The following IGFBPL1 variants were observed in gnomAD, a reference collection of about 807,000 sequenced individuals.
IGFBPL1 encodes insulin-like growth factor-binding protein-like 1.
Under a neutral mutation model 23.9 loss-of-function variants are expected in IGFBPL1, and 20 were observed. The ratio of observed to expected loss-of-function variants is 0.84; its 90% CI spans 0.59 to 1.22. The LOEUF (loss-of-function observed/expected upper bound fraction) is 1.22. Among genes scored for constraint, IGFBPL1 ranks in the 50% most tolerant of loss-of-function variants. The pLI, the probability that IGFBPL1 is intolerant of heterozygous loss-of-function variation, is 0.00. For synonymous variants in IGFBPL1, 184 were observed against 171.8 expected (o/e 1.07, Z -0.56); for missense variants, 436 against 379.3 (o/e 1.15, Z -1.24).
chr9:38,409,359 G>A (rs10973794), intron 4 of IGFBPL1, 142 bp from the exon 5 acceptor site: 23,553 of 152,154 alleles, frequency 0.15, 2,164 homozygotes, highest in Non-Finnish European at 0.21. Flanking sequence ...GAGAGTGAAG[G>A]GCCCTGTGGA....
intron 1 of IGFBPL1, 33 bp downstream of exon 1, chr9:38,423,929 CCTT>C (rs1821718177): frequency 1.5e-6 from 2 of 1,336,578 alleles, no homozygotes; most frequent in Non-Finnish European, 1.9e-6. Context: ...TGGAATCCCT[CCTT>C]CTCTACCCAC....
At position 38,411,385 on chromosome 9, in the gene IGFBPL1, A is replaced by G. The variant is rs1454132176; in HGVS notation, c.*9+6T>C. 2.5e-6 allele frequency: 4 copies of G among 1,610,498 alleles called. No homozygotes were observed. The highest frequency in any genetic ancestry group is 3.4e-6 in the Non-Finnish European group (4 of 1,177,804). On this transcript the variant is annotated splice_donor_region_variant and intron_variant, in intron 4 of 4. Coordinates refer to ENST00000377694, the MANE Select transcript of IGFBPL1 (RefSeq NM_001007563.3). ...TAAAATACTGAAAATGACTTAGAAC[A>G]TGTACATTTCTCCATCACATGCGGT...
At chr9:38,418,726 C>G (rs1355856969) in intron 1 of IGFBPL1, among the ~76,000 whole-genome samples, 1 of 152,144 alleles carries the variant, frequency 6.6e-6, no homozygotes, top group Non-Finnish European at 1.5e-5. Flanking sequence ...ATAGCTCTTC[C>G]TTGCTGATAC....
intron 1 of IGFBPL1, among the ~76,000 whole-genome samples, chr9:38,419,199 T>G (rs942864243): frequency 1.3e-5 from 2 of 151,988 alleles, no homozygotes; most frequent in Non-Finnish European, 2.9e-5. Context: ...AGAAAGGATA[T>G]CAAGTCATTC....
At chr9:38,411,354 TGG>T in intron 4 of IGFBPL1, 35 bp downstream of exon 4, 1 of 1,559,000 alleles carries the variant, frequency 6.4e-7, no homozygotes, top group Non-Finnish European at 8.7e-7. Context: ...TCTCATAACA[TGG>T]GTGTAAAATA....
intron 4 of IGFBPL1, among the ~76,000 whole-genome samples, chr9:38,410,375 C>T (rs886471940): frequency 4.0e-5 from 6 of 151,024 alleles, no homozygotes; most frequent in African/African-American, 9.7e-5. Flanking sequence ...CCCAGCTACT[C>T]GGGAGGCTGA....
At chr9:38,413,778 T>G (rs181897222) in intron 2 of IGFBPL1, among the ~76,000 whole-genome samples, 67 of 152,112 alleles carry the variant, frequency 4.4e-4, no homozygotes, top group African/African-American at 1.5e-3. Context: ...CACACACACA[T>G]GGCCACCGCA....
chr9:38,419,440 T>C (rs1478043245), intron 1 of IGFBPL1, among the ~76,000 whole-genome samples: 1 of 152,148 alleles, frequency 6.6e-6, no homozygotes, highest in Admixed American at 6.5e-5. Flanking sequence ...GCGCTGCCTC[T>C]CCTGGTTACC....
In IGFBPL1 at chr9:38,413,265, G is replaced by A; in HGVS notation, c.659C>T (p.Ser220Phe). 6.2e-7 allele frequency: 1 copy of A among 1,613,756 alleles called. No individual in the cohort carries two copies. Among genetic ancestry groups the A allele is most frequent in the Non-Finnish European group, 8.5e-7 (1 of 1,179,700 alleles). ...NIAVQVRGGPSDHEATAWILI... is the reference protein window; with the variant it reads ...NIAVQVRGGPFDHEATAWILI... ...AATCCAGGCCGTGGCCTCATGGTCA[G>A]AAGGGCCCCCTCGCACTTGGACAGC... Residue 220 changes from serine (S) to phenylalanine (F), a missense_variant, in exon 3 of 5, where the codon TCT (serine) becomes TTT (phenylalanine). Physicochemically the swap from Ser to Phe is radical, Grantham distance 155. Coordinates refer to ENST00000377694, the MANE Select transcript of IGFBPL1 (RefSeq NM_001007563.3).
At chr9:38,421,284 CAAAAA>C (rs35342818) in intron 1 of IGFBPL1, among the ~76,000 whole-genome samples, 1 of 91,554 alleles carries the variant, frequency 1.1e-5, no homozygotes. Flanking sequence ...GACCCTGTCT[CAAAAA>C]AAAAAAAAAA....
chr9:38,416,254 T>C (rs1177847992), intron 1 of IGFBPL1, among the ~76,000 whole-genome samples: 2 of 152,232 alleles, frequency 1.3e-5, no homozygotes, highest in African/African-American at 2.4e-5. Context: ...TGTAAAGTCA[T>C]ACATTTTAAA....
intron 2 of IGFBPL1, 63 bp downstream of exon 2, chr9:38,414,031 T>C: frequency 2.6e-6 from 2 of 762,488 alleles, no homozygotes; most frequent in Non-Finnish European, 4.1e-6. Context: ...TCTCCCTCTT[T>C]CTCACACACA....
In IGFBPL1 at chr9:38,408,501, G is replaced by T. The variant is rs941571113; in HGVS notation, c.*726C>A. On this transcript the variant is annotated 3_prime_UTR_variant, in exon 5 of 5. Transcript: ENST00000377694. ...TGGTCTCCAAAGACCCAGCCAAGGC[G>T]CTCCTGAGTCTGGTAAAGCATCCCA... Among the ~76,000 whole-genome samples, 2 of 152,166 alleles carry T rather than the reference G, an allele frequency of 1.3e-5. No individual in the cohort carries two copies. Among genetic ancestry groups the T allele is most frequent in the South Asian group, 4.1e-4 (2 of 4,830 alleles).
At chr9:38,420,407 G>A (rs1821663146) in intron 1 of IGFBPL1, among the ~76,000 whole-genome samples, 1 of 152,190 alleles carries the variant, frequency 6.6e-6, no homozygotes, top group African/African-American at 2.4e-5. Flanking sequence ...CTAAATAGAG[G>A]GACAAGTGAC....
At chr9:38,420,616 G>A (rs2118324414) in intron 1 of IGFBPL1, among the ~76,000 whole-genome samples, 1 of 152,182 alleles carries the variant, frequency 6.6e-6, no homozygotes, top group East Asian at 1.9e-4. Flanking sequence ...GGCAGATCAT[G>A]AGGTAGGAGA....
At chr9:38,423,736 A>T (rs1821715381) in intron 1 of IGFBPL1, among the ~76,000 whole-genome samples, 1 of 152,268 alleles carries the variant, frequency 6.6e-6, no homozygotes, top group South Asian at 2.1e-4. Flanking sequence ...TAAGTACCAA[A>T]AGGGGTAGCA....
intron 1 of IGFBPL1, among the ~76,000 whole-genome samples, chr9:38,415,019 CA>C (rs1476015529): frequency 6.6e-6 from 1 of 152,220 alleles, no homozygotes; most frequent in Non-Finnish European, 1.5e-5. Flanking sequence ...CATTGGACAG[CA>C]ACTCAGCCAC....
rs1587418796 is a variant in IGFBPL1, at chr9:38,424,006, G to A, written c.419C>T (p.Pro140Leu). 7 of 1,410,016 alleles carry A rather than the reference G, an allele frequency of 5.0e-6. No homozygotes were observed. The highest frequency in any genetic ancestry group is 6.4e-6 in the Non-Finnish European group (7 of 1,092,342). 87.3% of individuals were successfully genotyped at this position (1,410,016 alleles called of 1,614,324 possible). A position where few individuals can be genotyped will look rare whatever the true frequency, so the allele number is the denominator to read the frequency against. Residue 140 changes from proline (P) to leucine (L), a missense_variant, in exon 1 of 5, where the codon CCC becomes CTC. Physicochemically the swap from Pro to Leu is moderately conservative, Grantham distance 98. Transcript: ENST00000377694. ...GTCGCGCGCCTTGTGCAGGTGACCG[G>A]GGTGCGCGCGGGGCGTGTGCCGAGC... is the stretch of plus-strand genomic sequence containing the variant. ...LRARHTPRAH[P>L]GHLHKARDGP...
In IGFBPL1 at chr9:38,407,493, C is replaced by T. The variant is rs193192465; in HGVS notation, c.*1734G>A. On this transcript the variant is annotated 3_prime_UTR_variant, in exon 5 of 5. Coordinates refer to ENST00000377694, the MANE Select transcript of IGFBPL1 (RefSeq NM_001007563.3). The stretch of plus-strand genomic sequence containing the variant: ...AGACATGGAATGGCAGGCTTACAGG[C>T]GGAAAGTTCACTTCCAACAAGGACT... Among the ~76,000 whole-genome samples the T allele has an allele frequency of 4.6e-5, 7 of 152,292 alleles. No homozygotes were observed. The highest frequency in any genetic ancestry group is 1.2e-4 in the African/African-American group (5 of 41,572).
Sources: allele counts gnomAD v4.1 joint callset (sites outside exome capture counted in the v4.1 genomes callset), GRCh38; gene constraint gnomAD v4.1.1; transcripts MANE v1.5; gene names NCBI Gene and HGNC (gene_info 2026-07-23, HGNC 2026-07-21).